ATG4C: variants seen among roughly 807,000 people sequenced by gnomAD.
The protein encoded by ATG4C is autophagy related 4C cysteine peptidase.
In ATG4C, 56 loss-of-function variants were observed where a neutral mutation model predicts 57.6. The observed-to-expected ratio is 0.97, with a 90% CI of 0.78 to 1.21. The LOEUF (loss-of-function observed/expected upper bound fraction) is 1.21. Among genes scored for constraint, ATG4C ranks in the 50% most tolerant of loss-of-function variants. The pLI, the probability that ATG4C is intolerant of heterozygous loss-of-function variation, is 0.00. For missense variants in ATG4C, 595 were observed against 529.8 expected, an observed-to-expected ratio of 1.12 and a Z score of -1.21; for synonymous variants, 157 against 174.1, an observed-to-expected ratio of 0.90 and a Z score of 0.78.
At chr1:62,813,451 A>C (rs892796708) in intron 3 of ATG4C, among the ~76,000 whole-genome samples, 1 of 152,222 alleles carries the variant, frequency 6.6e-6, no homozygotes, top group Middle Eastern at 3.2e-3. Context: ...AAATTAACTC[A>C]AGGTGGATTA....
At chr1:62,859,440 T>C (rs1192222683) in intron 10 of ATG4C, among the ~76,000 whole-genome samples, 1 of 152,160 alleles carries the variant, frequency 6.6e-6, no homozygotes. Flanking sequence ...TAAATGTATC[T>C]AAACATAGAA....
chr1:62,823,863 C>T (rs898321189), intron 6 of ATG4C, among the ~76,000 whole-genome samples: 8 of 152,098 alleles, frequency 5.3e-5, no homozygotes, highest in Non-Finnish European at 7.4e-5. Flanking sequence ...TTCAAGAACA[C>T]GCACAAAGGT....
At chr1:62,844,660 T>G (rs1218778767) in intron 10 of ATG4C, among the ~76,000 whole-genome samples, 1 of 152,020 alleles carries the variant, frequency 6.6e-6, no homozygotes, top group Non-Finnish European at 1.5e-5. Context: ...CTTAAGAAAG[T>G]TATATATATA....
In ATG4C at chr1:62,834,766, G is replaced by A. The variant is rs762351537; in HGVS notation, c.1013-10G>A. 3 of 1,606,630 alleles carry A rather than the reference G, an allele frequency of 1.9e-6. No homozygotes were observed. Among genetic ancestry groups the A allele is most frequent in the Non-Finnish European group, 2.6e-6 (3 of 1,174,260 alleles). On this transcript the variant is annotated splice_polypyrimidine_tract_variant and intron_variant, in intron 8 of 10. Coordinates refer to ENST00000317868, the MANE Select transcript of ATG4C (RefSeq NM_032852.4). ...TTTTGAATTACTTGTCTTCTGTTTT[G>A]TCCTTGTAGATGACAGTTTGATTTA...
At chr1:62,831,125 C>T (rs903424710) in intron 7 of ATG4C, among the ~76,000 whole-genome samples, 3 of 152,100 alleles carry the variant, frequency 2.0e-5, no homozygotes, top group African/African-American at 7.2e-5. Flanking sequence ...CCGTAGTCCA[C>T]TACAGTGGGA....
At chr1:62,831,663 T>G (rs1297081343) in intron 7 of ATG4C, among the ~76,000 whole-genome samples, 1 of 152,204 alleles carries the variant, frequency 6.6e-6, no homozygotes, top group East Asian at 1.9e-4. Context: ...TCTTATTTAT[T>G]GCTTCATGGA....
intron 1 of ATG4C, among the ~76,000 whole-genome samples, chr1:62,786,231 C>A (rs927431682): frequency 5.3e-5 from 8 of 152,148 alleles, no homozygotes; most frequent in African/African-American, 1.9e-4. Context: ...AGCGTTAAAT[C>A]AACATATGCT....
chr1:62,825,635 A>G (rs2100326759), intron 6 of ATG4C, among the ~76,000 whole-genome samples: 2 of 152,272 alleles, frequency 1.3e-5, no homozygotes, highest in Middle Eastern at 3.4e-3. Flanking sequence ...GGTAACTCCC[A>G]AATTGATAGG....
intron 3 of ATG4C, among the ~76,000 whole-genome samples, chr1:62,813,299 A>T (rs1408634037): frequency 6.6e-6 from 1 of 152,144 alleles, no homozygotes. Context: ...AGCACCACAC[A>T]TCTACAACCA....
rs2100345437 is a variant in ATG4C at position 62,841,453 on chromosome 1, A to G, written c.1115A>G (p.Lys372Arg). 1.9e-6 allele frequency: 3 copies of G among 1,607,870 alleles called. No individual in the cohort carries two copies. The highest frequency in any genetic ancestry group is 1.7e-6 in the Non-Finnish European group (2 of 1,176,742). Residue 372 changes from lysine to arginine, a missense_variant, in exon 10 of 11, where the codon AAG becomes AGG. By Grantham distance (26) the Lys-to-Arg change is conservative. Transcript: ENST00000317868. ...LETFHCPSPK[K>R]MSFRKMDPSC... ...ACATTCCACTGCCCTTCTCCCAAAA[A>G]GATGTCTTTTCGAAAAATGGATCCC...
chr1:62,826,799 A>G (rs10889382), intron 6 of ATG4C, among the ~76,000 whole-genome samples: 147,091 of 147,144 alleles, frequency 1, 73,519 homozygotes, highest in Non-Finnish European at 1. Context: ...GTGTCCAAAT[A>G]TTCTCATTGT....
At position 62,833,604 on chromosome 1, in the gene ATG4C, G is replaced by C. The variant is rs533374773; in HGVS notation, c.934-434G>C. Among the ~76,000 whole-genome samples the C allele has an allele frequency of 4.6e-5, 7 of 152,138 alleles. No homozygotes were observed. The South Asian group carries it at 1.5e-3, about 32-fold the overall frequency. On this transcript the variant is annotated intron_variant, in intron 7 of 10. Coordinates refer to ENST00000317868, the MANE Select transcript of ATG4C (RefSeq NM_032852.4). Reference sequence around the variant, plus strand: ...AATGGCTTTCAATTTGTGATTCTAAGACTCAAGGTTCAATGAAAACAGCAG... The same window carrying C: ...AATGGCTTTCAATTTGTGATTCTAACACTCAAGGTTCAATGAAAACAGCAG...
chr1:62,865,362 T>C lies in ATG4C; in HGVS notation c.*1203T>C, dbSNP rs1294663584. The C allele has an allele frequency of 6.6e-6, 1 of 151,944 alleles. No homozygotes were observed. Among genetic ancestry groups the C allele is most frequent in the African/African-American group, 2.4e-5 (1 of 41,438 alleles). The allele number at this position is 151,944 out of a possible 1,614,324, so 9.4% of individuals were successfully genotyped here. On this transcript the variant is annotated 3_prime_UTR_variant, in exon 11 of 11. Coordinates refer to ENST00000317868, the MANE Select transcript of ATG4C (RefSeq NM_032852.4). ...TGTGTATCATCTAAAGTCATTGATC[T>C]CTTCCATCAGAAAACCTGTTTGTTT...
rs199941221 is a variant in ATG4C at position 62,821,092 on chromosome 1, A to G, written c.726-47A>G. 74 of 1,448,266 alleles carry G rather than the reference A, an allele frequency of 5.1e-5. 1 individual carries two copies. In the East Asian group the frequency reaches 1.6e-3, roughly 32 times the overall value. The allele number at this position is 1,448,266 out of a possible 1,614,324, so 89.7% of individuals were successfully genotyped here. On this transcript the variant is annotated intron_variant, in intron 5 of 10. Coordinates refer to ENST00000317868, the MANE Select transcript of ATG4C (RefSeq NM_032852.4). Reference sequence around the variant, plus strand: ...TCTTAAATTAAATATTTAGTTGCCAATAGGAAATGTTAGGATTTTGAAAGA... The same window carrying G: ...TCTTAAATTAAATATTTAGTTGCCAGTAGGAAATGTTAGGATTTTGAAAGA...
intron 10 of ATG4C, among the ~76,000 whole-genome samples, chr1:62,856,386 A>G (rs1666683398): frequency 6.6e-6 from 1 of 152,222 alleles, no homozygotes. Context: ...TGACTGTACA[A>G]TTAAATGCCA....
At chr1:62,808,700 G>A (rs1664962166) in intron 3 of ATG4C, among the ~76,000 whole-genome samples, 1 of 152,152 alleles carries the variant, frequency 6.6e-6, no homozygotes, top group Non-Finnish European at 1.5e-5. Flanking sequence ...GCAGGAAATA[G>A]CCTGAGTAGA....
In ATG4C at chr1:62,803,741, AC is replaced by A; in HGVS notation, c.-45del. ...AAGTCAGTATAAAAGATTAAACTCT[AC>A]AGAAGAATGCAATCAAGTGATGGCT... On this transcript the variant is annotated 5_prime_UTR_variant, in exon 2 of 11. Transcript: ENST00000317868. The A allele has an allele frequency of 7.4e-7, 1 of 1,356,092 alleles. No homozygotes were observed. Among genetic ancestry groups the A allele is most frequent in the Non-Finnish European group, 1.0e-6 (1 of 966,340 alleles). 84.0% of individuals were successfully genotyped at this position (1,356,092 alleles called of 1,614,324 possible).
intron 3 of ATG4C, among the ~76,000 whole-genome samples, chr1:62,809,338 A>G (rs1182091815): frequency 6.7e-6 from 1 of 149,950 alleles, no homozygotes; most frequent in Non-Finnish European, 1.5e-5. Flanking sequence ...ATTTATACAA[A>G]TATGTATAAA....
At chr1:62,818,882 ACC>A (rs754443306) in intron 4 of ATG4C, 121 bp from the exon 5 acceptor site, 141 of 720,020 alleles carry the variant, frequency 2.0e-4, no homozygotes, top group Non-Finnish European at 2.8e-4. Flanking sequence ...CCATGTATTT[ACC>A]TATTTTTGAA....
Sources: allele counts gnomAD v4.1 joint callset (sites outside exome capture counted in the v4.1 genomes callset), GRCh38; gene constraint gnomAD v4.1.1; transcripts MANE v1.5; gene names NCBI Gene and HGNC (gene_info 2026-07-23, HGNC 2026-07-21).